The following ABTB3 variants were observed in gnomAD, a reference collection of about 807,000 sequenced individuals.
ABTB3 encodes ankyrin repeat- and BTB/POZ domain-containing protein 3.
At chr12:107,446,592 C>T in the ABTB3 span, among the ~76,000 whole-genome samples, 2 of 152,132 alleles carry the variant, frequency 1.3e-5, no homozygotes, top group African/African-American at 4.8e-5. Context: ...AAAAGGAGCT[C>T]GGAGCAGCTC....
At chr12:107,498,617 A>G in the ABTB3 span, among the ~76,000 whole-genome samples, 3 of 152,062 alleles carry the variant, frequency 2.0e-5, no homozygotes, top group Non-Finnish European at 4.4e-5. Flanking sequence ...AAAGCCCACA[A>G]CGGTCAATTA....
the ABTB3 span, among the ~76,000 whole-genome samples, chr12:107,354,621 G>A: frequency 2.6e-5 from 4 of 152,126 alleles, no homozygotes; most frequent in African/African-American, 9.7e-5. Flanking sequence ...TTGCATGGAT[G>A]TACCATGTTT....
At chr12:107,609,085 C>T in the ABTB3 span, among the ~76,000 whole-genome samples, 1 of 152,194 alleles carries the variant, frequency 6.6e-6, no homozygotes, top group East Asian at 1.9e-4. Flanking sequence ...CTGGCGGCTT[C>T]CTTGCACTCC....
chr12:107,474,017 C>G, the ABTB3 span, among the ~76,000 whole-genome samples: 7,287 of 152,248 alleles, frequency 0.048, 282 homozygotes, highest in East Asian at 0.2. Context: ...CTCCTGACCT[C>G]AGGTGATCCA....
the ABTB3 span, among the ~76,000 whole-genome samples, chr12:107,404,988 A>G: frequency 2.0e-5 from 3 of 152,316 alleles, no homozygotes; most frequent in African/African-American, 2.4e-5. Flanking sequence ...GAGGCCTCAC[A>G]TCGGTGTGAG....
the ABTB3 span, among the ~76,000 whole-genome samples, chr12:107,575,184 C>T: frequency 6.6e-6 from 1 of 152,306 alleles, no homozygotes; most frequent in South Asian, 2.1e-4. Context: ...AAAGTCAGGG[C>T]CACACAGTTT....
chr12:107,503,044 G>C, the ABTB3 span, among the ~76,000 whole-genome samples: 1 of 152,216 alleles, frequency 6.6e-6, no homozygotes, highest in Admixed American at 6.5e-5. Context: ...GAGGGGACAT[G>C]CCAGGCCTTA....
chr12:107,405,979 C>T, the ABTB3 span, among the ~76,000 whole-genome samples: 11 of 152,182 alleles, frequency 7.2e-5, no homozygotes, highest in Non-Finnish European at 1.5e-4. Flanking sequence ...ACTTTCTCCC[C>T]TCTAGTTTGT....
the ABTB3 span, among the ~76,000 whole-genome samples, chr12:107,553,751 C>A: frequency 3.9e-5 from 6 of 152,166 alleles, no homozygotes; most frequent in Admixed American, 3.9e-4. Context: ...CCATCCTGGC[C>A]AACATGGCAA....
chr12:107,593,034 G>A, the ABTB3 span, among the ~76,000 whole-genome samples: 1 of 152,162 alleles, frequency 6.6e-6, no homozygotes, highest in East Asian at 1.9e-4. Context: ...ATAAATCTGA[G>A]GAACACTAGC....
At chr12:107,454,360 C>T in the ABTB3 span, among the ~76,000 whole-genome samples, 2 of 152,224 alleles carry the variant, frequency 1.3e-5, no homozygotes, top group East Asian at 1.9e-4. Context: ...AAACCAACCA[C>T]GGGTGCTCTG....
chr12:107,539,042 GT>G, the ABTB3 span, among the ~76,000 whole-genome samples: 3 of 152,214 alleles, frequency 2.0e-5, no homozygotes, highest in African/African-American at 7.2e-5. Flanking sequence ...CACTTGCTGA[GT>G]GACACCTGGG....
At chr12:107,593,493 G>A in the ABTB3 span, among the ~76,000 whole-genome samples, 8 of 152,308 alleles carry the variant, frequency 5.3e-5, no homozygotes, top group African/African-American at 1.4e-4. Flanking sequence ...ATTCCTTGGA[G>A]GGTGGATGGC....
At chr12:107,541,987 C>T in the ABTB3 span, among the ~76,000 whole-genome samples, 2 of 152,026 alleles carry the variant, frequency 1.3e-5, no homozygotes, top group Admixed American at 6.6e-5. Flanking sequence ...CAACTGGGCA[C>T]CATAGCCTGG....
At chr12:107,460,334 A>G in the ABTB3 span, among the ~76,000 whole-genome samples, 1 of 152,096 alleles carries the variant, frequency 6.6e-6, no homozygotes, top group Non-Finnish European at 1.5e-5. Context: ...AATTATACTG[A>G]GATTCTGGCT....
chr12:107,433,615 G>A, the ABTB3 span, among the ~76,000 whole-genome samples: 1 of 152,282 alleles, frequency 6.6e-6, no homozygotes, highest in South Asian at 2.1e-4. Context: ...CTTCAGCAGG[G>A]TAGGCCATTG....
At chr12:107,653,788 A>G in the ABTB3 span, among the ~76,000 whole-genome samples, 3 of 152,348 alleles carry the variant, frequency 2.0e-5, no homozygotes, top group East Asian at 5.8e-4. Flanking sequence ...GGTAAAATGT[A>G]CATAACATAG....
At chr12:107,612,909 TC>T in the ABTB3 span, 3 of 1,584,246 alleles carry the variant, frequency 1.9e-6, no homozygotes, top group Non-Finnish European at 2.6e-6. Flanking sequence ...CGGCCGGCAG[TC>T]CCCAGGGGAA....
At chr12:107,496,439 T>A in the ABTB3 span, among the ~76,000 whole-genome samples, 1 of 152,114 alleles carries the variant, frequency 6.6e-6, no homozygotes, top group South Asian at 2.1e-4. Context: ...GCAGGGGATA[T>A]AAAGATGCAA....
Sources: allele counts gnomAD v4.1 joint callset (sites outside exome capture counted in the v4.1 genomes callset), GRCh38; gene constraint gnomAD v4.1.1; transcripts MANE v1.5; gene names NCBI Gene and HGNC (gene_info 2026-07-23, HGNC 2026-07-21).